LINGO2: variants seen among roughly 807,000 people sequenced by gnomAD.
The protein encoded by LINGO2 is leucine rich repeat and Ig domain containing 2.
LINGO2 carries 14 observed loss-of-function variants against 30.6 expected under a neutral mutation model. The observed-to-expected ratio is 0.46, with a 90% CI of 0.30 to 0.72. The LOEUF (loss-of-function observed/expected upper bound fraction) is 0.72, where lower values mean the gene tolerates loss of function less well. Among genes scored for constraint, LINGO2 ranks in the 30% least tolerant of loss-of-function variants. The probability of loss-of-function intolerance (pLI) is 0.07; values close to 1 mark genes in which losing one functional copy is unlikely to be tolerated. For synonymous variants in LINGO2, 317 were observed against 288.5 expected, an observed-to-expected ratio of 1.10 and a Z score of -1.00; for missense variants, 729 against 751.7, an observed-to-expected ratio of 0.97 and a Z score of 0.35.
the LINGO2 span, among the ~76,000 whole-genome samples, chr9:29,073,463 T>C: frequency 1.4e-4 from 21 of 152,300 alleles, no homozygotes; most frequent in Middle Eastern, 3.4e-3. Flanking sequence ...GTTTTCCATA[T>C]AGTCTATGAG....
intron 1 of LINGO2, among the ~76,000 whole-genome samples, chr9:28,651,785 C>A (rs1828113971): frequency 6.6e-6 from 1 of 152,172 alleles, no homozygotes. Flanking sequence ...TGATGAGCTT[C>A]CAATCTATAT....
intron 2 of LINGO2, among the ~76,000 whole-genome samples, chr9:28,413,003 G>A (rs1048953448): frequency 1.3e-5 from 2 of 152,036 alleles, no homozygotes; most frequent in Admixed American, 1.3e-4. Flanking sequence ...TTAATGAATA[G>A]TAAATACATT....
In LINGO2 at chr9:28,039,273, T is replaced by C. The variant is rs372703383; in HGVS notation, c.-86-26868A>G. Among the ~76,000 whole-genome samples the C allele has an allele frequency of 3.9e-5, 6 of 152,304 alleles. No individual in the cohort carries two copies. The East Asian group carries it at 9.6e-4, about 24-fold the overall frequency. ...CCTTAATTTTAAGAAATTGGGCTAATAAAAGGAAAAGGCCAATACACTTGA... is the reference window on the plus strand; with the variant it reads ...CCTTAATTTTAAGAAATTGGGCTAACAAAAGGAAAAGGCCAATACACTTGA... On this transcript the variant is annotated intron_variant, in intron 4 of 5. Coordinates refer to ENST00000379992, the Ensembl canonical transcript of LINGO2.
chr9:27,952,476 T>C (rs1441724711), intron 5 of LINGO2, among the ~76,000 whole-genome samples: 4 of 151,884 alleles, frequency 2.6e-5, no homozygotes, highest in African/African-American at 7.2e-5. Flanking sequence ...AGAAAACATA[T>C]ATGAAAATAA....
At chr9:28,205,745 A>G (rs1820386899) in intron 4 of LINGO2, among the ~76,000 whole-genome samples, 2 of 152,158 alleles carry the variant, frequency 1.3e-5, no homozygotes, top group African/African-American at 4.8e-5. Flanking sequence ...AAAAGCACAG[A>G]TGGTTCATTA....
chr9:27,967,286 C>T (rs1455673501), intron 5 of LINGO2, among the ~76,000 whole-genome samples: 2 of 152,108 alleles, frequency 1.3e-5, no homozygotes, highest in Non-Finnish European at 2.9e-5. Context: ...TGTGGCTCCT[C>T]CCTCTTCTAG....
At chr9:28,366,153 T>C (rs774463695) in intron 3 of LINGO2, among the ~76,000 whole-genome samples, 2 of 152,188 alleles carry the variant, frequency 1.3e-5, no homozygotes, top group African/African-American at 4.8e-5. Context: ...TGCTACCATA[T>C]TAGTAACTAC....
intron 4 of LINGO2, among the ~76,000 whole-genome samples, chr9:28,179,402 G>T (rs1828840560): frequency 8.1e-6 from 1 of 122,940 alleles, no homozygotes; most frequent in Non-Finnish European, 1.7e-5. Flanking sequence ...ATATACTATA[G>T]TATATAGTAT....
chr9:28,280,411 A>T (rs1023495875), intron 4 of LINGO2, among the ~76,000 whole-genome samples: 3 of 152,142 alleles, frequency 2.0e-5, no homozygotes, highest in Admixed American at 2.0e-4. Flanking sequence ...GAAATTGAAG[A>T]ATGTTAGGGA....
At chr9:29,100,009 A>C in the LINGO2 span, among the ~76,000 whole-genome samples, 1 of 152,350 alleles carries the variant, frequency 6.6e-6, no homozygotes, top group South Asian at 2.1e-4. Flanking sequence ...GACTCGATAA[A>C]GAAAATGTGG....
chr9:28,634,485 C>CTTTTTTT (rs755583837), intron 1 of LINGO2, among the ~76,000 whole-genome samples: 13 of 124,664 alleles, frequency 1.0e-4, no homozygotes, highest in East Asian at 2.2e-4. Context: ...TTCTTTTTTT[C>CTTTTTTT]TTTTTTTTTT....
At chr9:29,100,245 T>G in the LINGO2 span, among the ~76,000 whole-genome samples, 1 of 152,068 alleles carries the variant, frequency 6.6e-6, no homozygotes, top group Non-Finnish European at 1.5e-5. Flanking sequence ...GTGATCTGTG[T>G]GAGAGGACAC....
At chr9:28,502,216 C>G (rs1482212347) in intron 1 of LINGO2, among the ~76,000 whole-genome samples, 1 of 151,490 alleles carries the variant, frequency 6.6e-6, no homozygotes, top group Non-Finnish European at 1.5e-5. Context: ...AAGATATTTT[C>G]TTCTTAGATT....
chr9:28,000,222 G>C (rs775886537), intron 5 of LINGO2, among the ~76,000 whole-genome samples: 4 of 152,138 alleles, frequency 2.6e-5, no homozygotes, highest in Non-Finnish European at 5.9e-5. Flanking sequence ...ATATGGCACA[G>C]CTCCAAAATC....
chr9:28,612,105 G>A (rs1025424129), intron 1 of LINGO2, among the ~76,000 whole-genome samples: 16 of 152,024 alleles, frequency 1.1e-4, no homozygotes, highest in African/African-American at 1.4e-4. Flanking sequence ...TCTATTGCCT[G>A]TGAAAAAGTG....
Position 28,621,006 on chromosome 9 carries a change from A to G in LINGO2, c.-365+49194T>C, listed in dbSNP as rs189877422. Among the ~76,000 whole-genome samples, 249 of 152,216 alleles carry G rather than the reference A, an allele frequency of 1.6e-3. 2 individuals carry two copies. Among genetic ancestry groups the G allele is most frequent in the Middle Eastern group, 3.4e-3 (1 of 294 alleles). ...AAAGTTATAAAAACCAGTGGAAGGT[A>G]AAGTGCAAGAAATGTCTAAAAATTT... On this transcript the variant is annotated intron_variant, in intron 1 of 5. Transcript: ENST00000379992.
intron 4 of LINGO2, among the ~76,000 whole-genome samples, chr9:28,110,188 C>T (rs979515842): frequency 1.3e-5 from 2 of 152,090 alleles, no homozygotes; most frequent in African/African-American, 2.4e-5. Flanking sequence ...AACTGGCTAG[C>T]CATATGCAGA....
At chr9:29,145,890 T>C in the LINGO2 span, among the ~76,000 whole-genome samples, 2 of 152,172 alleles carry the variant, frequency 1.3e-5, no homozygotes. Context: ...CACAAAGATA[T>C]GTATTTATGT....
At chr9:28,723,769 A>G in the LINGO2 span, among the ~76,000 whole-genome samples, 5 of 152,130 alleles carry the variant, frequency 3.3e-5, no homozygotes, top group African/African-American at 4.8e-5. Context: ...ATTTTTTCAT[A>G]GGAAACATAA....
Sources: gnomAD v4.1 joint callset for allele counts (sites outside exome capture counted in the v4.1 genomes callset) on GRCh38, gnomAD v4.1.1 for gene constraint, MANE v1.5 for transcripts, NCBI Gene and HGNC (gene_info 2026-07-23, HGNC 2026-07-21) for gene names.